FBLN1: variants seen among roughly 807,000 people sequenced by gnomAD.
FBLN1 encodes fibulin 1.
FBLN1 carries 34 observed loss-of-function variants against 89.7 expected under a neutral mutation model. The ratio of observed to expected loss-of-function variants is 0.38; its 90% CI spans 0.29 to 0.50. The LOEUF (loss-of-function observed/expected upper bound fraction) is 0.50, where lower values mean the gene tolerates loss of function less well. Among genes scored for constraint, FBLN1 ranks in the 20% least tolerant of loss-of-function variants. The probability of loss-of-function intolerance (pLI) is 0.92; values close to 1 mark genes in which losing one functional copy is unlikely to be tolerated. For missense variants in FBLN1, 777 were observed against 988.1 expected (o/e 0.79, Z 2.86); for synonymous variants, 393 against 391.3 (o/e 1.00, Z -0.05).
intron 14 of FBLN1, among the ~76,000 whole-genome samples, chr22:45,560,893 A>G (rs1345993051): frequency 6.6e-6 from 1 of 152,164 alleles, no homozygotes; most frequent in Non-Finnish European, 1.5e-5. Flanking sequence ...CTTGCCTGGC[A>G]ACTGCCTCAC....
chr22:45,536,424 TTG>T lies in FBLN1; in HGVS notation c.922+1091_922+1092del, dbSNP rs1194988343. ...CTTAAAATGGTTACGATGGCAGATT[TTG>T]TGTTACATAAAATTTGTAGTTCACA... On this transcript the variant is annotated intron_variant, in intron 8 of 16. Transcript: ENST00000327858. The surrounding 1 kb of genome is among the most constrained non-coding windows in gnomAD (Gnocchi z 5.1). 3.3e-5 allele frequency among the ~76,000 whole-genome samples: 5 copies of T among 152,160 alleles called. No homozygotes were observed. Among genetic ancestry groups the T allele is most frequent in the African/African-American group, 1.2e-4 (5 of 41,430 alleles).
At position 45,564,792 on chromosome 22, in the gene FBLN1, A is replaced by C. The variant is rs1359687170; in HGVS notation, c.1698-9719A>C. The C allele has an allele frequency of 3.9e-5, 59 of 1,499,072 alleles. 1 individual carries two copies. Among genetic ancestry groups the C allele is most frequent in the Non-Finnish European group, 1.3e-5 (14 of 1,087,988 alleles). The allele number at this position is 1,499,072 out of a possible 1,614,324, so 92.9% of individuals were successfully genotyped here. On this transcript the variant is annotated intron_variant, in intron 14 of 16. Coordinates refer to ENST00000327858, the MANE Select transcript of FBLN1 (RefSeq NM_006486.3). Reference sequence around the variant, plus strand: ...TCTCGCGTGCAGAAGGTGCTCTGTCAATGTCTGTTCAGGGAACAGATGACT... The same window carrying C: ...TCTCGCGTGCAGAAGGTGCTCTGTCCATGTCTGTTCAGGGAACAGATGACT...
chr22:45,583,420 A>G lies in FBLN1; in HGVS notation c.1972+6312A>G, dbSNP rs576017302. The stretch of plus-strand genomic sequence containing the variant: ...AGACATGGTCACCTATATTACATTT[A>G]GGAAGGAAACGCCCTAATTGGAGAC... On this transcript the variant is annotated intron_variant, in intron 16 of 16. Transcript: ENST00000327858. The surrounding 1 kb of genome is among the most constrained non-coding windows in gnomAD (Gnocchi z 4.5). 2.6e-5 allele frequency among the ~76,000 whole-genome samples: 4 copies of G among 152,342 alleles called. No individual in the cohort carries two copies. The highest frequency in any genetic ancestry group is 7.2e-5 in the African/African-American group (3 of 41,584).
At chr22:45,568,449 GCT>G in intron 14 of FBLN1, among the ~76,000 whole-genome samples, 1 of 150,504 alleles carries the variant, frequency 6.6e-6, no homozygotes, top group Non-Finnish European at 1.5e-5. Flanking sequence ...GTAGGGGAGT[GCT>G]CCTTCTGTAG....
chr22:45,518,227 C>T (rs2088197106), intron 1 of FBLN1, among the ~76,000 whole-genome samples: 2 of 151,984 alleles, frequency 1.3e-5, no homozygotes, highest in East Asian at 1.9e-4. Context: ...AGTCTCTCCT[C>T]TGGAAAGAGT....
intron 11 of FBLN1, among the ~76,000 whole-genome samples, chr22:45,546,824 T>C (rs1417482950): frequency 6.6e-6 from 1 of 152,166 alleles, no homozygotes; most frequent in Non-Finnish European, 1.5e-5. Flanking sequence ...GGGGCAGACT[T>C]CCAGGGGCCA....
chr22:45,559,746 C>T (rs1281334084), intron 14 of FBLN1, among the ~76,000 whole-genome samples: 1 of 152,190 alleles, frequency 6.6e-6, no homozygotes, highest in Non-Finnish European at 1.5e-5. Context: ...AATCAGTGTC[C>T]AATAGTCCCC....
chr22:45,579,627 C>A lies in FBLN1; in HGVS notation c.1972+2519C>A, dbSNP rs889911948. 1.3e-5 allele frequency among the ~76,000 whole-genome samples: 2 copies of A among 152,204 alleles called. No homozygotes were observed. Among genetic ancestry groups the A allele is most frequent in the African/African-American group, 4.8e-5 (2 of 41,450 alleles). On this transcript the variant is annotated intron_variant, in intron 16 of 16. Coordinates refer to ENST00000327858, the MANE Select transcript of FBLN1 (RefSeq NM_006486.3). This position sits in a 1 kb window ranked among gnomAD's most constrained non-coding sequence, Gnocchi z 5.5. The stretch of plus-strand genomic sequence containing the variant: ...TCGGTCTGTGTGCAGGATGCCCCAC[C>A]TGGCTGGGCTCCTGGAGTTGACCTG...
rs1177789429 is a variant in FBLN1 at position 45,531,726 on chromosome 22, A to C, written c.544+402A>C. Among the ~76,000 whole-genome samples the C allele has an allele frequency of 6.6e-6, 1 of 151,664 alleles. No homozygotes were observed. The highest frequency in any genetic ancestry group is 6.6e-5 in the Admixed American group (1 of 15,228). On this transcript the variant is annotated intron_variant, in intron 5 of 16. Transcript: ENST00000327858. This position sits in a 1 kb window ranked among gnomAD's most constrained non-coding sequence, Gnocchi z 4.9. ...CTTCCAGATCTAGGGCTGGCTGGGG[A>C]GGGGAAGGGTGGGCTTACCAAGGAG...
rs140840185 is a variant in FBLN1 at position 45,506,548 on chromosome 22, G to A, written c.79+3484G>A. Among the ~76,000 whole-genome samples, 73 of 149,122 alleles carry A rather than the reference G, an allele frequency of 4.9e-4. 1 individual carries two copies. The East Asian group carries it at 9.7e-3, about 20-fold the overall frequency. ...TCAGGGAAGACTTCCCGGAGGAAGC[G>A]GCATGCAAACTGGGAACCTAAGGAG... On this transcript the variant is annotated intron_variant, in intron 1 of 16. Transcript: ENST00000327858.
intron 16 of FBLN1, among the ~76,000 whole-genome samples, chr22:45,585,658 G>A (rs1206256320): frequency 3.3e-5 from 5 of 152,206 alleles, no homozygotes; most frequent in Non-Finnish European, 7.3e-5. Context: ...TGCTGGGCCC[G>A]GCCTCCTCTG....
rs16994211 is a variant in FBLN1, at chr22:45,533,734, C to T, written c.647-27C>T. ...TAGGATGGGTCGTTCTTGCTGGTCA[C>T]CCCCGCACTGCCTCGGTCTCTCCTA... On this transcript the variant is annotated intron_variant, in intron 6 of 16. Coordinates refer to ENST00000327858, the MANE Select transcript of FBLN1 (RefSeq NM_006486.3). The T allele has an allele frequency of 0.061, 98,400 of 1,606,212 alleles. 3,639 individuals are homozygous for T. The highest frequency in any genetic ancestry group is 0.12 in the Admixed American group (7,057 of 60,008).
In FBLN1 at chr22:45,563,883, G is replaced by A. The variant is rs1389985107; in HGVS notation, c.1698-10628G>A. Among the ~76,000 whole-genome samples, 1 of 152,220 alleles carries A rather than the reference G, an allele frequency of 6.6e-6. No individual in the cohort carries two copies. Among genetic ancestry groups the A allele is most frequent in the Non-Finnish European group, 1.5e-5 (1 of 68,042 alleles). The stretch of plus-strand genomic sequence containing the variant: ...TTGATCAGAAGCCCAAATCTGTGGT[G>A]CAGAAACACGGGATGCGGTTGCGGC... On this transcript the variant is annotated intron_variant, in intron 14 of 16. Transcript: ENST00000327858. The surrounding 1 kb of genome is among the most constrained non-coding windows in gnomAD (Gnocchi z 5.7).
Position 45,594,193 on chromosome 22 carries a change from A to G in FBLN1, c.1973-6114A>G, listed in dbSNP as rs559509133. ...ATGTGGGCAGCGAGTGTTCCTTGCT[A>G]CTTCTTCCTCCTTCCCTTGCCTCCC... On this transcript the variant is annotated intron_variant, in intron 16 of 16. Transcript: ENST00000327858. Among the ~76,000 whole-genome samples the G allele has an allele frequency of 1.3e-3, 197 of 152,196 alleles. 1 individual carries two copies. The highest frequency in any genetic ancestry group is 4.6e-3 in the African/African-American group (192 of 41,502).
chr22:45,564,082 G>A (rs184738609), intron 14 of FBLN1, among the ~76,000 whole-genome samples: 32 of 152,254 alleles, frequency 2.1e-4, no homozygotes, highest in African/African-American at 6.7e-4. Flanking sequence ...ACTCAGAGAG[G>A]GCAAGTGATT....
In FBLN1 at chr22:45,536,994, G is replaced by C. The variant is rs1312272115; in HGVS notation, c.922+1657G>C. Among the ~76,000 whole-genome samples, 1 of 152,168 alleles carries C rather than the reference G, an allele frequency of 6.6e-6. No homozygotes were observed. Among genetic ancestry groups the C allele is most frequent in the Non-Finnish European group, 1.5e-5 (1 of 68,022 alleles). ...GTTGTCAGGTTAACTGCCTGGCTAGGCCGCTGCAGTCAGCGCTTAAGTCCT... is the reference window on the plus strand; with the variant it reads ...GTTGTCAGGTTAACTGCCTGGCTAGCCCGCTGCAGTCAGCGCTTAAGTCCT... On this transcript the variant is annotated intron_variant, in intron 8 of 16. Transcript: ENST00000327858. This position sits in a 1 kb window ranked among gnomAD's most constrained non-coding sequence, Gnocchi z 5.1.
Position 45,597,272 on chromosome 22 carries a change from A to C in FBLN1, c.1973-3035A>C, listed in dbSNP as rs1166748895. 6.6e-6 allele frequency among the ~76,000 whole-genome samples: 1 copy of C among 152,160 alleles called. No individual in the cohort carries two copies. The highest frequency in any genetic ancestry group is 1.5e-5 in the Non-Finnish European group (1 of 68,036). On this transcript the variant is annotated intron_variant, in intron 16 of 16. Coordinates refer to ENST00000327858, the MANE Select transcript of FBLN1 (RefSeq NM_006486.3). This position sits in a 1 kb window ranked among gnomAD's most constrained non-coding sequence, Gnocchi z 4.2. ...CGCCTAAGCCTCCCAAAGTGCTGGG[A>C]TTACAAGCGTGAGCCACTGCACCCA... is the stretch of plus-strand genomic sequence containing the variant.
intron 16 of FBLN1, among the ~76,000 whole-genome samples, chr22:45,586,683 C>T (rs2089089020): frequency 6.6e-6 from 1 of 152,182 alleles, no homozygotes; most frequent in African/African-American, 2.4e-5. Flanking sequence ...CTGCAAATCA[C>T]AGGGGTGGGA....
At chr22:45,594,612 G>A (rs947706954) in intron 16 of FBLN1, among the ~76,000 whole-genome samples, 4 of 152,090 alleles carry the variant, frequency 2.6e-5, no homozygotes, top group African/African-American at 9.7e-5. Flanking sequence ...GTGGGTGTGT[G>A]GGTGGATGGA....
Sources: allele counts gnomAD v4.1 joint callset (sites outside exome capture counted in the v4.1 genomes callset), GRCh38; gene constraint gnomAD v4.1.1; non-coding constraint Gnocchi (gnomAD v3.1); transcripts MANE v1.5; gene names NCBI Gene and HGNC (gene_info 2026-07-23, HGNC 2026-07-21).